Variants in SH2D6 observed in about 807,000 individuals in gnomAD.
SH2D6 encodes SH2 domain-containing protein 6.
A neutral mutation model predicts 30.2 loss-of-function variants in SH2D6; 31 were observed. The observed-to-expected ratio is 1.03, with a 90% CI of 0.77 to 1.38. SH2D6 has a LOEUF of 1.38. SH2D6 is among the 40% of genes most tolerant of loss of function. SH2D6 has a pLI of 0.00. For missense variants in SH2D6, 240 were observed against 266.8 expected (o/e 0.90, Z 0.70); for synonymous variants, 93 against 104.6 (o/e 0.89, Z 0.68).
chr2:85,433,088 T>C lies in SH2D6; in HGVS notation c.371-11T>C, dbSNP rs1688948613. ...CGTGCATGACAGGTGGTTCTCTCCTTTTCCTTTCAGAGCAGGGTGCATCGT... is the reference window on the plus strand; with the variant it reads ...CGTGCATGACAGGTGGTTCTCTCCTCTTCCTTTCAGAGCAGGGTGCATCGT... On this transcript the variant is annotated splice_polypyrimidine_tract_variant and intron_variant, in intron 14 of 23. Coordinates refer to ENST00000469800, the MANE Select transcript of SH2D6 (RefSeq NM_001394463.1). The C allele has an allele frequency of 1.0e-6, 1 of 985,940 alleles. No homozygotes were observed. Among genetic ancestry groups the C allele is most frequent in the Non-Finnish European group, 1.2e-6 (1 of 829,960 alleles). The allele number at this position is 985,940 out of a possible 1,614,324, so 61.1% of individuals were successfully genotyped here.
At chr2:85,435,560 G>A (rs1019147145) in intron 21 of SH2D6, 64 bp downstream of exon 21, 20 of 1,591,406 alleles carry the variant, frequency 1.3e-5, no homozygotes, top group African/African-American at 4.0e-5. Context: ...GTGGCTGGCC[G>A]AGCAGTGGGG....
rs773592212 is a variant in SH2D6, at chr2:85,436,466, C to T, written c.892C>T (p.Leu298Phe). The T allele has an allele frequency of 1.9e-6, 3 of 1,613,206 alleles. No homozygotes were observed. The African/African-American group carries it at 4.0e-5, about 22-fold the overall frequency. Residue 298 changes from leucine to phenylalanine, a missense_variant and splice_region_variant, in exon 23 of 24, where the codon CTC (leucine) becomes TTC (phenylalanine). Coordinates refer to ENST00000469800, the MANE Select transcript of SH2D6 (RefSeq NM_001394463.1). The stretch of plus-strand genomic sequence containing the variant: ...ACGGATGCCCTGCCTCCCTGGCCAG[C>T]TCTTCTCCTCCGTGGCGGCCATGGT... The part of the protein sequence containing the change: ...LGREGRNREE[L>F]FSSVAAMVQH...
At chr2:85,428,391 T>C (rs897278410) in intron 6 of SH2D6, among the ~76,000 whole-genome samples, 193 bp from the exon 7 acceptor site, 3 of 152,218 alleles carry the variant, frequency 2.0e-5, no homozygotes, top group Admixed American at 2.0e-4. Context: ...TCTCAGAGCC[T>C]CAGTGTTATG....
chr2:85,434,410 G>C (rs1449216892), intron 18 of SH2D6, 40 bp downstream of exon 18: 2 of 1,550,620 alleles, frequency 1.3e-6, no homozygotes, highest in East Asian at 4.9e-5. Context: ...AGGGAGGCAG[G>C]GAGGGAGGCT....
intron 19 of SH2D6, 29 bp downstream of exon 19, chr2:85,434,526 A>T (rs1478713473): frequency 1.3e-6 from 2 of 1,548,052 alleles, no homozygotes; most frequent in Admixed American, 3.9e-5. Flanking sequence ...AAAGGTAGTG[A>T]GTTATCCCAA....
intron 2 of SH2D6, among the ~76,000 whole-genome samples, chr2:85,420,385 G>A (rs772658200): frequency 7.2e-5 from 11 of 152,218 alleles, no homozygotes; most frequent in Non-Finnish European, 1.5e-4. Flanking sequence ...CTCCCAAAGT[G>A]CCGGGATTAC....
At chr2:85,429,173 T>A (rs371944725) in intron 7 of SH2D6, among the ~76,000 whole-genome samples, 199 bp from the exon 8 acceptor site, 110 of 152,352 alleles carry the variant, frequency 7.2e-4, no homozygotes, top group African/African-American at 2.6e-3. Flanking sequence ...AAGGTGACAC[T>A]GATCAGAGAG....
chr2:85,434,766 C>T, intron 19 of SH2D6: 1 of 1,452,278 alleles, frequency 6.9e-7, no homozygotes, highest in Non-Finnish European at 9.1e-7. Flanking sequence ...CTGACTCCAG[C>T]TGAGATCAGG....
intron 14 of SH2D6, among the ~76,000 whole-genome samples, chr2:85,432,555 C>T (rs1451133259): frequency 3.3e-5 from 5 of 151,942 alleles, no homozygotes; most frequent in African/African-American, 7.3e-5. Context: ...CGCCCGCTAC[C>T]ACGCCCGGCT....
At chr2:85,426,919 C>T (rs921270449) in intron 6 of SH2D6, among the ~76,000 whole-genome samples, 5 of 152,176 alleles carry the variant, frequency 3.3e-5, no homozygotes, top group African/African-American at 1.2e-4. Flanking sequence ...ACTCTGTCTC[C>T]AGGTAGGTAG....
At chr2:85,428,345 TTGCTAAGTGCATGACC>T (rs1159688032) in intron 6 of SH2D6, among the ~76,000 whole-genome samples, 15 of 152,246 alleles carry the variant, frequency 9.9e-5, no homozygotes, top group African/African-American at 3.6e-4. Context: ...CCTCCAACAC[TTGCTAAGTGCATGACC>T]TCAGGAAAGC....
chr2:85,424,937 G>A (rs1251317693), intron 5 of SH2D6, among the ~76,000 whole-genome samples: 2 of 152,026 alleles, frequency 1.3e-5, no homozygotes, highest in South Asian at 2.1e-4. Flanking sequence ...ATGGTGATGC[G>A]CGCCTGTGGT....
chr2:85,433,704 T>G, intron 16 of SH2D6, 73 bp downstream of exon 16: 2 of 1,060,376 alleles, frequency 1.9e-6, no homozygotes, highest in Non-Finnish European at 2.4e-6. Flanking sequence ...CACACTCTCC[T>G]GGCTCCATCT....
intron 14 of SH2D6, among the ~76,000 whole-genome samples, chr2:85,432,181 A>G (rs1688747950): frequency 6.6e-6 from 1 of 151,432 alleles, no homozygotes; most frequent in African/African-American, 2.4e-5. Context: ...GAGATATGAA[A>G]TATTGTGCCT....
chr2:85,423,546 C>T (rs1687830719), intron 5 of SH2D6, among the ~76,000 whole-genome samples: 1 of 152,176 alleles, frequency 6.6e-6, no homozygotes, highest in Non-Finnish European at 1.5e-5. Flanking sequence ...AAACTACACA[C>T]CAGACTTTCT....
intron 19 of SH2D6, 45 bp downstream of exon 19, chr2:85,434,542 T>G (rs1410812391): frequency 1.3e-6 from 2 of 1,548,088 alleles, no homozygotes; most frequent in Non-Finnish European, 1.7e-6. Context: ...CCCAACTGAT[T>G]GTTCACAGTC....
At chr2:85,419,912 A>C (rs1047280897) in intron 2 of SH2D6, among the ~76,000 whole-genome samples, 2 of 152,156 alleles carry the variant, frequency 1.3e-5, no homozygotes, top group African/African-American at 4.8e-5. Context: ...CGTGGTCTCT[A>C]AGCATGCCTA....
intron 5 of SH2D6, among the ~76,000 whole-genome samples, chr2:85,424,156 C>T (rs375235686): frequency 6.6e-6 from 1 of 152,250 alleles, no homozygotes; most frequent in Non-Finnish European, 1.5e-5. Flanking sequence ...TCTTTCCTTT[C>T]TACCCCACCT....
At chr2:85,432,586 G>A (rs1041788379) in intron 14 of SH2D6, among the ~76,000 whole-genome samples, 19 of 151,962 alleles carry the variant, frequency 1.3e-4, no homozygotes, top group Non-Finnish European at 1.0e-4. Flanking sequence ...ATTTTTAGTA[G>A]AGACGGGGTT....
Sources: gnomAD v4.1 joint callset for allele counts (sites outside exome capture counted in the v4.1 genomes callset) on GRCh38, gnomAD v4.1.1 for gene constraint, MANE v1.5 for transcripts, NCBI Gene and HGNC (gene_info 2026-07-23, HGNC 2026-07-21) for gene names.